THSD7A: variants seen among roughly 807,000 people sequenced by gnomAD.
THSD7A encodes the protein thrombospondin type-1 domain-containing protein 7A.
In THSD7A, 96 loss-of-function variants were observed where a neutral mutation model predicts 231.3. The observed-to-expected ratio is 0.41, with a 90% CI of 0.35 to 0.49. The LOEUF (loss-of-function observed/expected upper bound fraction) is 0.49, where lower values mean the gene tolerates loss of function less well. Among genes scored for constraint, THSD7A ranks in the 20% least tolerant of loss-of-function variants. The pLI is 0.05. For synonymous variants in THSD7A, 940 were observed against 743.3 expected (o/e 1.26, Z -4.30); for missense variants, 2,290 against 2,070.2 (o/e 1.11, Z -2.06).
intron 1 of THSD7A, among the ~76,000 whole-genome samples, chr7:11,700,407 T>C (rs1562486426): frequency 6.6e-6 from 1 of 151,182 alleles, no homozygotes; most frequent in Non-Finnish European, 1.5e-5. Flanking sequence ...ATTCTATTTT[T>C]CCCTCCTAAA....
At chr7:11,723,793 G>A (rs1213618687) in intron 1 of THSD7A, among the ~76,000 whole-genome samples, 1 of 151,958 alleles carries the variant, frequency 6.6e-6, no homozygotes, top group Non-Finnish European at 1.5e-5. Flanking sequence ...AACAGGGTCA[G>A]TAGGGCCAAA....
At chr7:11,513,391 A>G (rs1170620703) in intron 6 of THSD7A, among the ~76,000 whole-genome samples, 5 of 152,192 alleles carry the variant, frequency 3.3e-5, no homozygotes, top group African/African-American at 1.2e-4. Flanking sequence ...GTCAAATGGA[A>G]ACATCCCAAA....
intron 9 of THSD7A, among the ~76,000 whole-genome samples, chr7:11,467,201 A>T (rs1039225830): frequency 6.6e-6 from 1 of 151,924 alleles, no homozygotes; most frequent in African/African-American, 2.4e-5. Context: ...CTCACTTGCA[A>T]TTCTTTCATG....
intron 13 of THSD7A, among the ~76,000 whole-genome samples, chr7:11,431,043 A>G (rs1214982211): frequency 1.3e-5 from 2 of 152,188 alleles, no homozygotes; most frequent in Non-Finnish European, 2.9e-5. Flanking sequence ...GTGGTAACTC[A>G]CTTAGCTTTT....
chr7:11,393,275 G>T (rs556514274), intron 23 of THSD7A, among the ~76,000 whole-genome samples: 1 of 151,930 alleles, frequency 6.6e-6, no homozygotes, highest in South Asian at 2.1e-4. Flanking sequence ...CAGCAGACCT[G>T]CAGCAGAGGG....
chr7:11,656,928 G>A (rs983409573), intron 1 of THSD7A, among the ~76,000 whole-genome samples: 3 of 151,742 alleles, frequency 2.0e-5, no homozygotes, highest in Non-Finnish European at 4.4e-5. Flanking sequence ...GTATGATGAA[G>A]AGAAAAAGAT....
chr7:11,378,337 G>C (rs1461052570), intron 26 of THSD7A, among the ~76,000 whole-genome samples: 3 of 152,184 alleles, frequency 2.0e-5, no homozygotes, highest in Non-Finnish European at 2.9e-5. Flanking sequence ...TCAAGCACCA[G>C]GTTAGTTCTA....
chr7:11,775,142 AAAAAG>A (rs1783359924), intron 1 of THSD7A, among the ~76,000 whole-genome samples: 1 of 152,204 alleles, frequency 6.6e-6, no homozygotes, highest in Non-Finnish European at 1.5e-5. Flanking sequence ...AGTAAAAAGA[AAAAAG>A]AAATCAACAC....
At chr7:11,781,518 C>T (rs1783631828) in intron 1 of THSD7A, among the ~76,000 whole-genome samples, 1 of 152,122 alleles carries the variant, frequency 6.6e-6, no homozygotes, top group African/African-American at 2.4e-5. Flanking sequence ...GAAACCCCTA[C>T]TTCGATGTAA....
chr7:11,442,395 G>A (rs1281213954), intron 13 of THSD7A, among the ~76,000 whole-genome samples: 1 of 151,756 alleles, frequency 6.6e-6, no homozygotes, highest in Non-Finnish European at 1.5e-5. Flanking sequence ...ATGATCCACA[G>A]ATAGACAACA....
chr7:11,583,425 T>C (rs1791255596), intron 4 of THSD7A, among the ~76,000 whole-genome samples: 1 of 152,034 alleles, frequency 6.6e-6, no homozygotes, highest in Admixed American at 6.6e-5. Flanking sequence ...TACAGGTGCA[T>C]GCCATCACGC....
chr7:11,470,137 C>T (rs1044558842), intron 8 of THSD7A, 143 bp from the exon 9 acceptor site: 14 of 649,152 alleles, frequency 2.2e-5, no homozygotes, highest in South Asian at 1.3e-4. Flanking sequence ...TTTCTTTCTG[C>T]TACAGGCAAG....
chr7:11,404,874 G>C (rs7796389), intron 22 of THSD7A, among the ~76,000 whole-genome samples: 65,607 of 151,920 alleles, frequency 0.43, 15,127 homozygotes, highest in African/African-American at 0.59. Flanking sequence ...CTATGTCTTA[G>C]AACGGATCTC....
In THSD7A at chr7:11,371,788, T is replaced by C. The variant is rs1251107658; in HGVS notation, c.*4006A>G. 6.6e-6 allele frequency: 1 copy of C among 151,914 alleles called. No individual in the cohort carries two copies. Among genetic ancestry groups the C allele is most frequent in the Non-Finnish European group, 1.5e-5 (1 of 68,002 alleles). 9.4% of individuals were successfully genotyped at this position (151,914 alleles called of 1,614,324 possible). ...CTGCATGCCTTCCACATTTTTCCTT[T>C]TCCCTTTATTCATTTCTTTGACCAG... On this transcript the variant is annotated 3_prime_UTR_variant, in exon 28 of 28. Coordinates refer to ENST00000423059, the MANE Select transcript of THSD7A (RefSeq NM_015204.3).
chr7:11,581,494 G>A (rs1791162711), intron 4 of THSD7A, among the ~76,000 whole-genome samples: 1 of 151,940 alleles, frequency 6.6e-6, no homozygotes, highest in Non-Finnish European at 1.5e-5. Flanking sequence ...TTTTCCATTA[G>A]CAAACTGGGA....
intron 6 of THSD7A, among the ~76,000 whole-genome samples, chr7:11,506,991 G>C (rs1320883871): frequency 6.6e-6 from 1 of 152,038 alleles, no homozygotes; most frequent in Admixed American, 6.6e-5. Context: ...CCAGGTCAGG[G>C]GTACTGTCTG....
intron 6 of THSD7A, among the ~76,000 whole-genome samples, chr7:11,509,163 T>A (rs1367923682): frequency 6.6e-6 from 1 of 152,220 alleles, no homozygotes; most frequent in African/African-American, 2.4e-5. Flanking sequence ...AACTTTTAAA[T>A]TTAACTTTAA....
At chr7:11,698,430 C>G (rs1780468438) in intron 1 of THSD7A, among the ~76,000 whole-genome samples, 1 of 151,288 alleles carries the variant, frequency 6.6e-6, no homozygotes, top group Non-Finnish European at 1.5e-5. Context: ...ACAAGACCCT[C>G]TAGGGAATGT....
At chr7:11,780,412 C>T (rs924921004) in intron 1 of THSD7A, among the ~76,000 whole-genome samples, 2 of 152,184 alleles carry the variant, frequency 1.3e-5, no homozygotes, top group Non-Finnish European at 2.9e-5. Context: ...TTTTGCCTTT[C>T]TCTCTCTTTG....
Sources: allele counts gnomAD v4.1 joint callset (sites outside exome capture counted in the v4.1 genomes callset), GRCh38; gene constraint gnomAD v4.1.1; transcripts MANE v1.5; gene names NCBI Gene and HGNC (gene_info 2026-07-23, HGNC 2026-07-21).